MESP1: variants seen among roughly 807,000 people sequenced by gnomAD.
MESP1 encodes the protein mesoderm posterior protein 1.
A neutral mutation model predicts 15.2 loss-of-function variants in MESP1; 22 were observed. The ratio of observed to expected loss-of-function variants is 1.45; its 90% CI spans 1.04 to 2.07. MESP1 has a LOEUF of 2.07. MESP1 is among the 30% of genes most tolerant of loss of function. The pLI, the probability that MESP1 is intolerant of heterozygous loss-of-function variation, is 0.00. For missense variants in MESP1, 484 were observed against 411.9 expected, an observed-to-expected ratio of 1.17 and a Z score of -1.51; for synonymous variants, 216 against 192.6, an observed-to-expected ratio of 1.12 and a Z score of -1.01.
At chr15:89,741,867 T>A in the MESP1 span, among the ~76,000 whole-genome samples, 1 of 152,102 alleles carries the variant, frequency 6.6e-6, no homozygotes, top group Non-Finnish European at 1.5e-5. Flanking sequence ...TTCTCCTGCC[T>A]CAGCCTCCCA....
chr15:89,743,072 T>C, the MESP1 span, among the ~76,000 whole-genome samples: 1 of 152,228 alleles, frequency 6.6e-6, no homozygotes. Flanking sequence ...TCTACCCACA[T>C]GCACCTCACA....
the MESP1 span, chr15:89,738,168 C>T: frequency 6.2e-7 from 1 of 1,614,174 alleles, no homozygotes; most frequent in Non-Finnish European, 8.5e-7. Flanking sequence ...CTCAAAGGGA[C>T]TTGGATAACA....
the MESP1 span, among the ~76,000 whole-genome samples, chr15:89,734,896 T>C: frequency 6.6e-6 from 1 of 152,218 alleles, no homozygotes; most frequent in Non-Finnish European, 1.5e-5. Flanking sequence ...AACAGTATAT[T>C]ATTTAGCTAT....
the MESP1 span, chr15:89,735,544 A>G: frequency 6.2e-7 from 1 of 1,614,136 alleles, no homozygotes; most frequent in South Asian, 1.1e-5. Context: ...TCCCAGCCTT[A>G]CCTGGCATGG....
At chr15:89,739,794 C>T in the MESP1 span, among the ~76,000 whole-genome samples, 2 of 152,168 alleles carry the variant, frequency 1.3e-5, no homozygotes, top group African/African-American at 4.8e-5. Context: ...CTCCAATCAC[C>T]ATAATGTCTC....
At chr15:89,743,450 C>T in the MESP1 span, 4 of 1,538,058 alleles carry the variant, frequency 2.6e-6, no homozygotes, top group Non-Finnish European at 3.6e-6. Context: ...CAGCTGCTCC[C>T]AGGACACTGA....
At chr15:89,735,553 G>A in the MESP1 span, 1 of 1,613,938 alleles carries the variant, frequency 6.2e-7, no homozygotes, top group African/African-American at 1.3e-5. Flanking sequence ...TACCTGGCAT[G>A]GTAGGTTCCC....
At chr15:89,739,804 C>A in the MESP1 span, among the ~76,000 whole-genome samples, 1 of 152,180 alleles carries the variant, frequency 6.6e-6, no homozygotes, top group African/African-American at 2.4e-5. Flanking sequence ...CATAATGTCT[C>A]TTCACGACTG....
chr15:89,732,511 G>A, the MESP1 span, among the ~76,000 whole-genome samples: 12 of 152,126 alleles, frequency 7.9e-5, no homozygotes, highest in Non-Finnish European at 1.8e-4. Context: ...TATTATAGAA[G>A]CAAAAGATAT....
At chr15:89,748,103 G>C (rs1351895315), downstream of MESP1, among the ~76,000 whole-genome samples, 1 of 152,248 alleles carries the variant, frequency 6.6e-6, no homozygotes, top group East Asian at 1.9e-4. Context: ...CTGCAGGGAA[G>C]GGGGCTAGCC....
At chr15:89,738,077 C>G in the MESP1 span, 7 of 1,613,634 alleles carry the variant, frequency 4.3e-6, no homozygotes, top group Non-Finnish European at 5.9e-6. Flanking sequence ...ACCGACGATG[C>G]TGGAATCCAA....
chr15:89,750,314 C>G, intron 1 of MESP1, 87 bp from the exon 2 acceptor site: 1 of 1,575,540 alleles, frequency 6.3e-7, no homozygotes, highest in Non-Finnish European at 8.7e-7. Flanking sequence ...TCTCAGGGGG[C>G]CCCTAGCGAG....
chr15:89,735,146 AC>A, the MESP1 span, among the ~76,000 whole-genome samples: 1 of 152,160 alleles, frequency 6.6e-6, no homozygotes, highest in East Asian at 1.9e-4. Context: ...TGCTGGGATT[AC>A]AGGTGTGAGC....
At chr15:89,746,459 CCA>C (rs369248261), downstream of MESP1, among the ~76,000 whole-genome samples, 2,470 of 149,552 alleles carry the variant, frequency 0.017, 99 homozygotes, top group African/African-American at 0.059. Flanking sequence ...ATCCACACCT[CCA>C]CACACACACA....
chr15:89,740,336 G>C, the MESP1 span, among the ~76,000 whole-genome samples: 4 of 152,140 alleles, frequency 2.6e-5, no homozygotes, highest in East Asian at 7.7e-4. Context: ...GGAGGCTCTC[G>C]GTACCTCCCG....
the MESP1 span, among the ~76,000 whole-genome samples, chr15:89,741,533 G>T: frequency 3.9e-4 from 60 of 152,264 alleles, 1 homozygote; most frequent in South Asian, 0.012. Context: ...CAGCCTAAAA[G>T]AAACCATTAC....
the MESP1 span, among the ~76,000 whole-genome samples, chr15:89,744,761 G>A: frequency 6.6e-6 from 1 of 152,184 alleles, no homozygotes; most frequent in Non-Finnish European, 1.5e-5. Flanking sequence ...CACTCTTGGT[G>A]TGGCTGGATC....
chr15:89,738,848 CTCATGCCTGTAATCCCAGCA>C, the MESP1 span, among the ~76,000 whole-genome samples: 1 of 151,848 alleles, frequency 6.6e-6, no homozygotes, highest in South Asian at 2.1e-4. Flanking sequence ...GGCCCGGTGG[CTCATGCCTGTAATCCCAGCA>C]CTTTGGGAGG....
chr15:89,732,611 T>C, the MESP1 span, among the ~76,000 whole-genome samples: 1 of 132,192 alleles, frequency 7.6e-6, no homozygotes, highest in African/African-American at 3.5e-5. Context: ...TTCTTGTTGT[T>C]TGGCCACACA....
Sources: allele counts gnomAD v4.1 joint callset (sites outside exome capture counted in the v4.1 genomes callset), GRCh38; gene constraint gnomAD v4.1.1; transcripts MANE v1.5; gene names NCBI Gene and HGNC (gene_info 2026-07-23, HGNC 2026-07-21).